PIP4K2B: variants seen among roughly 807,000 people sequenced by gnomAD.
PIP4K2B encodes the protein phosphatidylinositol 5-phosphate 4-kinase type-2 beta.
A neutral mutation model predicts 42.0 loss-of-function variants in PIP4K2B; 3 were observed. The ratio of observed to expected loss-of-function variants is 0.07; its 90% CI spans 0.03 to 0.18. The LOEUF (loss-of-function observed/expected upper bound fraction) is 0.18. Among genes scored for constraint, PIP4K2B ranks in the 10% least tolerant of loss-of-function variants. The probability of loss-of-function intolerance (pLI) is 1.00; values close to 1 mark genes in which losing one functional copy is unlikely to be tolerated. For synonymous variants in PIP4K2B, 204 were observed against 210.1 expected, an observed-to-expected ratio of 0.97 and a Z score of 0.25; for missense variants, 332 against 562.3, an observed-to-expected ratio of 0.59 and a Z score of 4.14.
At position 38,779,374 on chromosome 17, in the gene PIP4K2B, G is replaced by A. The variant is rs780977410; in HGVS notation, c.654+9C>T. The A allele has an allele frequency of 2.5e-5, 40 of 1,602,848 alleles. No homozygotes were observed. The highest frequency in any genetic ancestry group is 3.4e-5 in the Non-Finnish European group (40 of 1,172,158). ...GAGGCACAGCTCCGGCAAACACAGA[G>A]CCCTTTACCTTGAGGTCATACTTGC... On this transcript the variant is annotated intron_variant, in intron 5 of 9. Coordinates refer to ENST00000619039, the MANE Select transcript of PIP4K2B (RefSeq NM_003559.5).
At chr17:38,786,651 G>C (rs1910027590) in intron 2 of PIP4K2B, among the ~76,000 whole-genome samples, 172 bp downstream of exon 2, 2 of 152,232 alleles carry the variant, frequency 1.3e-5, no homozygotes, top group African/African-American at 4.8e-5. Context: ...AGGATGAGAG[G>C]CACATAACGA....
At chr17:38,771,665 A>G (rs892898004) in intron 7 of PIP4K2B, among the ~76,000 whole-genome samples, 1 of 152,080 alleles carries the variant, frequency 6.6e-6, no homozygotes, top group Admixed American at 6.6e-5. Flanking sequence ...CAGTGAGGCA[A>G]GTACTGCAGG....
At position 38,771,216 on chromosome 17, in the gene PIP4K2B, C is replaced by T. The variant is rs768989973; in HGVS notation, c.864G>A (p.Val288=). The change falls in exon 8 of 10, where the codon GTG becomes GTA. Residue 288 remains valine (V), a synonymous_variant. Coordinates refer to ENST00000619039, the MANE Select transcript of PIP4K2B (RefSeq NM_003559.5). ...DYSLLVGIHD[V]DRAEQEEMEV... ...CCATCTCCTCCTGCTCTGCCCGGTC[C>T]ACGTCGTGGATGCCCACCAGCAGGC... is the stretch of plus-strand genomic sequence containing the variant. The T allele has an allele frequency of 1.9e-6, 3 of 1,613,998 alleles. No homozygotes were observed. The African/African-American group carries it at 4.0e-5, about 22-fold the overall frequency.
chr17:38,799,501 C>T lies in PIP4K2B; in HGVS notation c.-77G>A, dbSNP rs228231. ...ACAAGCCAGCGGCCTCAGGCCTCCC[C>T]CGGACCGATCCCCACCCCCGCTCCC... On this transcript the variant is annotated 5_prime_UTR_variant, in exon 1 of 10. Transcript: ENST00000619039. The surrounding 1 kb of genome is among the most constrained non-coding windows in gnomAD (Gnocchi z 4.4). The T allele has an allele frequency of 7.2e-7, 1 of 1,386,744 alleles. No individual in the cohort carries two copies. Among genetic ancestry groups the T allele is most frequent in the East Asian group, 3.0e-5 (1 of 33,218 alleles). 85.9% of individuals were successfully genotyped at this position (1,386,744 alleles called of 1,614,324 possible). A position where few individuals can be genotyped will look rare whatever the true frequency, so the allele number is the denominator to read the frequency against.
intron 5 of PIP4K2B, among the ~76,000 whole-genome samples, chr17:38,778,794 G>A (rs1018229494): frequency 6.6e-6 from 1 of 152,154 alleles, no homozygotes; most frequent in Admixed American, 6.5e-5. Flanking sequence ...GTAGTATTTG[G>A]GCTGAGCTCA....
In PIP4K2B at chr17:38,795,659, G is replaced by A. The variant is rs865884983; in HGVS notation, c.159+3607C>T. Among the ~76,000 whole-genome samples, 16 of 151,906 alleles carry A rather than the reference G, an allele frequency of 1.1e-4. No homozygotes were observed. In the South Asian group the frequency reaches 2.7e-3, roughly 26 times the overall value. On this transcript the variant is annotated intron_variant, in intron 1 of 9. Transcript: ENST00000619039. The stretch of plus-strand genomic sequence containing the variant: ...CGAGGTACTTGGGAGGCTGAGGCAG[G>A]AGAATCGCTTGAACCAAGGAGGCGG...
chr17:38,774,964 T>TG (rs1909253687), intron 7 of PIP4K2B, among the ~76,000 whole-genome samples: 1 of 149,400 alleles, frequency 6.7e-6, no homozygotes, highest in Admixed American at 6.8e-5. Context: ...GTGTGTGTGT[T>TG]TTTGAGATGA....
At chr17:38,776,977 G>T (rs533733699) in intron 7 of PIP4K2B, among the ~76,000 whole-genome samples, 122 of 152,144 alleles carry the variant, frequency 8.0e-4, no homozygotes, top group South Asian at 1.7e-3. Flanking sequence ...AGCTCATGTT[G>T]CCTTGATCTG....
chr17:38,799,170 C>T lies in PIP4K2B; in HGVS notation c.159+96G>A, dbSNP rs376400211. On this transcript the variant is annotated intron_variant, in intron 1 of 9. Transcript: ENST00000619039. This position sits in a 1 kb window ranked among gnomAD's most constrained non-coding sequence, Gnocchi z 4.4. Reference sequence around the variant, plus strand: ...AAGTGGCTTGGCGAGGGGTGGCAGGCGTCACCGGCAGGGCCTGCGGGGCAA... The same window carrying T: ...AAGTGGCTTGGCGAGGGGTGGCAGGTGTCACCGGCAGGGCCTGCGGGGCAA... 2 of 1,297,036 alleles carry T rather than the reference C, an allele frequency of 1.5e-6. No individual in the cohort carries two copies. The highest frequency in any genetic ancestry group is 2.8e-5 in the East Asian group (1 of 35,280). 80.3% of individuals were successfully genotyped at this position (1,297,036 alleles called of 1,614,324 possible). A position where few individuals can be genotyped will look rare whatever the true frequency, so the allele number is the denominator to read the frequency against.
chr17:38,783,881 A>G (rs1389714622), intron 3 of PIP4K2B, among the ~76,000 whole-genome samples: 2 of 152,174 alleles, frequency 1.3e-5, no homozygotes, highest in African/African-American at 4.8e-5. Flanking sequence ...GATTACAGGC[A>G]TAAGCCACCA....
chr17:38,778,301 C>A (rs761087693), intron 6 of PIP4K2B, 33 bp downstream of exon 6: 2 of 1,609,900 alleles, frequency 1.2e-6, no homozygotes, highest in Non-Finnish European at 1.7e-6. Context: ...TGACTCCAAG[C>A]GACCCTTCCA....
intron 1 of PIP4K2B, among the ~76,000 whole-genome samples, chr17:38,789,318 A>G (rs765540429): frequency 3.3e-5 from 5 of 152,170 alleles, no homozygotes; most frequent in African/African-American, 1.2e-4. Flanking sequence ...GCCCTTCCCC[A>G]CCTCGAGTTT....
rs1205314755 is a variant in PIP4K2B at position 38,776,699 on chromosome 17, A to C, written c.807+988T>G. 3 of 395,130 alleles carry C rather than the reference A, an allele frequency of 7.6e-6. No homozygotes were observed. In the Admixed American group the frequency reaches 1.0e-4, roughly 14 times the overall value. The allele number at this position is 395,130 out of a possible 1,614,324, so 24.5% of individuals were successfully genotyped here. A position where few individuals can be genotyped will look rare whatever the true frequency, so the allele number is the denominator to read the frequency against. The stretch of plus-strand genomic sequence containing the variant: ...ATATGTATTTTACCACAATTAAAAA[A>C]AATTTTTTTTCCCAAGTTTGTTTGT... On this transcript the variant is annotated intron_variant, in intron 7 of 9. Coordinates refer to ENST00000619039, the MANE Select transcript of PIP4K2B (RefSeq NM_003559.5).
rs1214261960 is a variant in PIP4K2B at position 38,772,015 on chromosome 17, G to A, written c.808-743C>T. ...ATTGCACTCAAGCCTGGGGAACAGA[G>A]TGAGACCCTGTCTCTTGTTTTAAAA... On this transcript the variant is annotated intron_variant, in intron 7 of 9. Coordinates refer to ENST00000619039, the MANE Select transcript of PIP4K2B (RefSeq NM_003559.5). Among the ~76,000 whole-genome samples the A allele has an allele frequency of 3.3e-5, 5 of 152,316 alleles. No homozygotes were observed. In the East Asian group the frequency reaches 9.6e-4, roughly 29 times the overall value.
At chr17:38,777,885 C>T in intron 6 of PIP4K2B, 85 bp from the exon 7 acceptor site, 1 of 953,384 alleles carries the variant, frequency 1.0e-6, no homozygotes, top group Non-Finnish European at 1.7e-6. Flanking sequence ...AGCAACTATA[C>T]AGAAAGGGGA....
intron 7 of PIP4K2B, among the ~76,000 whole-genome samples, chr17:38,775,708 A>G (rs1332651718): frequency 6.6e-6 from 1 of 151,974 alleles, no homozygotes; most frequent in African/African-American, 2.4e-5. Flanking sequence ...AAATACAAAA[A>G]TTAGCTGGGC....
At chr17:38,771,345 G>GAATGCCTTTCCCCCCTTTCT in intron 7 of PIP4K2B, 73 bp from the exon 8 acceptor site, 1 of 1,536,564 alleles carries the variant, frequency 6.5e-7, no homozygotes, top group Non-Finnish European at 9.0e-7. Context: ...ATCCAGAAAG[G>GAATGCCTTTCCCCCCTTTCT]GGGGAAAGGC....
intron 1 of PIP4K2B, among the ~76,000 whole-genome samples, chr17:38,791,855 C>T (rs921532568): frequency 3.3e-5 from 5 of 150,116 alleles, no homozygotes; most frequent in African/African-American, 9.8e-5. Flanking sequence ...TTTGGGAGGC[C>T]GAGGCGGGCG....
rs1910827490 is a variant in PIP4K2B at position 38,799,286 on chromosome 17, T to A, written c.139A>T (p.Met47Leu). Residue 47 changes from methionine (M) to leucine (L), a missense_variant, in exon 1 of 10, where the codon ATG (methionine) becomes TTG (leucine). Coordinates refer to ENST00000619039, the MANE Select transcript of PIP4K2B (RefSeq NM_003559.5). This position sits in a 1 kb window ranked among gnomAD's most constrained non-coding sequence, Gnocchi z 4.4. ...GTTACCGTGTGGTTCACCCCCCACA[T>A]CAGGACGCTGAGGATCGGCTCGCTG... ...RASEPILSVL[M>L]WGVNHTINEL... is the part of the protein sequence containing the mutation. 1 of 1,605,824 alleles carries A rather than the reference T, an allele frequency of 6.2e-7. No homozygotes were observed. The highest frequency in any genetic ancestry group is 8.5e-7 in the Non-Finnish European group (1 of 1,176,910).
Sources: gnomAD v4.1 joint callset for allele counts (sites outside exome capture counted in the v4.1 genomes callset) on GRCh38, gnomAD v4.1.1 for gene constraint, Gnocchi (gnomAD v3.1) non-coding constraint, MANE v1.5 for transcripts, NCBI Gene and HGNC (gene_info 2026-07-23, HGNC 2026-07-21) for gene names.